FARS2: variants seen among roughly 807,000 people sequenced by gnomAD.
FARS2 encodes phenylalanyl-tRNA synthetase 2, mitochondrial.
A neutral mutation model predicts 46.4 loss-of-function variants in FARS2; 40 were observed. The ratio of observed to expected loss-of-function variants is 0.86; its 90% confidence interval spans 0.67 to 1.12. The LOEUF (loss-of-function observed/expected upper bound fraction) is 1.12. FARS2 is among the 50% of genes most tolerant of loss of function. FARS2 has a pLI of 0.00. For missense variants in FARS2, 513 were observed against 567.9 expected (o/e 0.90, Z 0.98); for synonymous variants, 234 against 214.9 (o/e 1.09, Z -0.78).
intron 5 of FARS2, among the ~76,000 whole-genome samples, chr6:5,601,524 CAAAAAAAAAAAAAA>C (rs70975920): frequency 2.2e-5 from 2 of 92,136 alleles, no homozygotes. Context: ...AACTCCATCA[CAAAAAAAAAAAAAA>C]AAAAAAAAAA....
At chr6:5,513,945 A>G (rs1398070489) in intron 4 of FARS2, among the ~76,000 whole-genome samples, 1 of 152,022 alleles carries the variant, frequency 6.6e-6, no homozygotes, top group Non-Finnish European at 1.5e-5. Flanking sequence ...TTTAACAACT[A>G]TTGATCCAGC....
At chr6:5,596,559 G>A (rs1774213316) in intron 5 of FARS2, among the ~76,000 whole-genome samples, 1 of 152,148 alleles carries the variant, frequency 6.6e-6, no homozygotes, top group African/African-American at 2.4e-5. Context: ...TGGAATTTTA[G>A]CTCTTAATTG....
chr6:5,505,085 T>C (rs765819), intron 4 of FARS2, among the ~76,000 whole-genome samples: 16,545 of 152,288 alleles, frequency 0.11, 1,144 homozygotes, highest in South Asian at 0.2. Flanking sequence ...CATTTCAAAA[T>C]AATATAATTT....
intron 1 of FARS2, among the ~76,000 whole-genome samples, chr6:5,323,997 A>G (rs1333934034): frequency 6.6e-6 from 1 of 152,122 alleles, no homozygotes; most frequent in African/African-American, 2.4e-5. Context: ...TCCCAGAGAC[A>G]TTCCAACCCT....
chr6:5,427,472 A>G (rs1326015949), intron 3 of FARS2, among the ~76,000 whole-genome samples: 2 of 152,240 alleles, frequency 1.3e-5, no homozygotes, highest in Admixed American at 1.3e-4. Context: ...TGAATGGTGT[A>G]TAGATTTGGC....
At position 5,404,679 on chromosome 6, in the gene FARS2, C is replaced by T. The variant is rs951916099; in HGVS notation, c.750C>T (p.Leu250=). The change falls in exon 3 of 7, where the codon CTC becomes CTT. Residue 250 remains leucine, a synonymous_variant. Coordinates refer to ENST00000274680, the MANE Select transcript of FARS2 (RefSeq NM_006567.5). ...ATCTTAAGCAAACGCTTACCAGGCT[C>T]ATGGCACATCTTTTTGGAGATGGTA... The part of the protein sequence containing the change: ...EFDLKQTLTR[L]MAHLFGDELE... The T allele has an allele frequency of 6.3e-7, 1 of 1,598,224 alleles. No individual in the cohort carries two copies. The highest frequency in any genetic ancestry group is 1.3e-5 in the African/African-American group (1 of 74,334).
intron 6 of FARS2, among the ~76,000 whole-genome samples, chr6:5,738,211 A>T (rs1228222731): frequency 6.6e-6 from 1 of 152,228 alleles, no homozygotes; most frequent in Non-Finnish European, 1.5e-5. Context: ...TTGGCCTCCC[A>T]AAGTGTTGGG....
intron 4 of FARS2, among the ~76,000 whole-genome samples, chr6:5,525,131 C>T (rs1252988240): frequency 6.6e-6 from 1 of 151,846 alleles, no homozygotes; most frequent in Non-Finnish European, 1.5e-5. Flanking sequence ...AAATGGCTGC[C>T]GACGTACAGC....
intron 4 of FARS2, among the ~76,000 whole-genome samples, chr6:5,483,607 C>T (rs1174799995): frequency 6.6e-6 from 1 of 152,068 alleles, no homozygotes; most frequent in Non-Finnish European, 1.5e-5. Flanking sequence ...GCAGAGGTTG[C>T]AGTGAGCCAA....
intron 1 of FARS2, among the ~76,000 whole-genome samples, chr6:5,263,736 T>C (rs1765355225): frequency 6.6e-6 from 1 of 152,244 alleles, no homozygotes; most frequent in Admixed American, 6.5e-5. Flanking sequence ...TAGTTCTTTA[T>C]GGAAGATCAT....
chr6:5,749,989 AT>A (rs538765784), intron 6 of FARS2, among the ~76,000 whole-genome samples: 3 of 152,110 alleles, frequency 2.0e-5, no homozygotes, highest in Non-Finnish European at 4.4e-5. Flanking sequence ...AAGTTTGTTC[AT>A]TTGCCATTCA....
intron 2 of FARS2, among the ~76,000 whole-genome samples, chr6:5,381,039 C>T (rs139433281): frequency 0.013 from 2,006 of 150,814 alleles, 23 homozygotes; most frequent in Middle Eastern, 0.042. Flanking sequence ...CTCGCTCTGT[C>T]GCCCAGGCTG....
chr6:5,686,050 G>A (rs777320169), intron 6 of FARS2, among the ~76,000 whole-genome samples: 44 of 152,222 alleles, frequency 2.9e-4, no homozygotes, highest in African/African-American at 9.1e-4. Flanking sequence ...CCAGAAGCAC[G>A]CCCAAGAAAG....
In FARS2 at chr6:5,682,449, G is replaced by T. The variant is rs540930352; in HGVS notation, c.1217+69129G>T. On this transcript the variant is annotated intron_variant, in intron 6 of 6. Transcript: ENST00000274680. ...AGTTGTAAAGAAGTATAAAGTAGGGGTGGTGGAATTCATTTGCAAAGATGT... is the reference window on the plus strand; with the variant it reads ...AGTTGTAAAGAAGTATAAAGTAGGGTTGGTGGAATTCATTTGCAAAGATGT... 9.0e-4 allele frequency among the ~76,000 whole-genome samples: 137 copies of T among 152,312 alleles called. 4 individuals are homozygous for T. In the South Asian group the frequency reaches 0.011, roughly 12 times the overall value.
intron 4 of FARS2, among the ~76,000 whole-genome samples, chr6:5,477,669 T>G (rs1054444960): frequency 3.3e-5 from 5 of 152,188 alleles, no homozygotes. Context: ...TTAATTAATT[T>G]TGTGTGTGTA....
intron 6 of FARS2, among the ~76,000 whole-genome samples, chr6:5,629,013 A>T (rs114389713): frequency 4.6e-5 from 7 of 152,210 alleles, no homozygotes; most frequent in Non-Finnish European, 1.0e-4. Context: ...TGAGGTGACC[A>T]TTTCAGTATG....
At chr6:5,722,169 A>G (rs1296983037) in intron 6 of FARS2, among the ~76,000 whole-genome samples, 2 of 152,234 alleles carry the variant, frequency 1.3e-5, no homozygotes, top group Non-Finnish European at 1.5e-5. Context: ...GATCCCAGCT[A>G]AGGCACCCAC....
chr6:5,412,002 T>C (rs1367071675), intron 3 of FARS2, among the ~76,000 whole-genome samples: 2 of 152,236 alleles, frequency 1.3e-5, no homozygotes, highest in African/African-American at 2.4e-5. Flanking sequence ...TTGCTAAACA[T>C]TGGCATTTCC....
intron 1 of FARS2, among the ~76,000 whole-genome samples, chr6:5,340,647 C>G (rs1403691419): frequency 6.6e-6 from 1 of 152,058 alleles, no homozygotes; most frequent in East Asian, 1.9e-4. Flanking sequence ...AGAATAAATG[C>G]AAAGATGGAA....
Sources: allele counts gnomAD v4.1 joint callset (sites outside exome capture counted in the v4.1 genomes callset), GRCh38; gene constraint gnomAD v4.1.1; transcripts MANE v1.5; gene names NCBI Gene and HGNC (gene_info 2026-07-23, HGNC 2026-07-21).